The following SFMBT2 variants were observed in gnomAD, a reference collection of about 807,000 sequenced individuals.
The protein encoded by SFMBT2 is scm-like with four MBT domains protein 2.
Under a neutral mutation model 110.1 loss-of-function variants are expected in SFMBT2, and 38 were observed. The ratio of observed to expected loss-of-function variants is 0.35; its 90% CI spans 0.27 to 0.45. The LOEUF is 0.45. SFMBT2 is among the 20% of genes least tolerant of loss of function. The probability of loss-of-function intolerance (pLI) is 1.00; values close to 1 mark genes in which losing one functional copy is unlikely to be tolerated. For missense variants in SFMBT2, 1,011 were observed against 1,094.9 expected (o/e 0.92, Z 1.08); for synonymous variants, 425 against 425.4 (o/e 1.00, Z 0.01).
intron 4 of SFMBT2, among the ~76,000 whole-genome samples, chr10:7,360,617 G>C (rs12412449): frequency 1.2e-4 from 18 of 152,288 alleles, no homozygotes; most frequent in Admixed American, 1.2e-3. Flanking sequence ...TATATGAAGG[G>C]TTTTGATTCA....
chr10:7,273,787 T>C (rs1013523352), intron 7 of SFMBT2, among the ~76,000 whole-genome samples: 2 of 152,206 alleles, frequency 1.3e-5, no homozygotes, highest in Non-Finnish European at 2.9e-5. Flanking sequence ...CCCAATGTGC[T>C]GGAGAGGATG....
At chr10:7,217,818 TAGG>T (rs938291472) in intron 11 of SFMBT2, among the ~76,000 whole-genome samples, 53 of 152,328 alleles carry the variant, frequency 3.5e-4, no homozygotes, top group African/African-American at 1.2e-3. Flanking sequence ...AACACTGACC[TAGG>T]AGAAGGCACT....
At chr10:7,254,412 A>C (rs886314853) in intron 7 of SFMBT2, among the ~76,000 whole-genome samples, 1 of 151,826 alleles carries the variant, frequency 6.6e-6, no homozygotes, top group Admixed American at 6.5e-5. Context: ...ACTTCAAAAC[A>C]AATTTTTTTA....
chr10:7,389,308 A>G (rs772418588), intron 1 of SFMBT2, among the ~76,000 whole-genome samples: 5 of 152,176 alleles, frequency 3.3e-5, no homozygotes, highest in Non-Finnish European at 5.9e-5. Context: ...TAGAAACAGT[A>G]TATTTTTAAA....
intron 17 of SFMBT2, among the ~76,000 whole-genome samples, chr10:7,175,088 G>A (rs980581638): frequency 3.9e-5 from 6 of 152,256 alleles, no homozygotes. Flanking sequence ...AGTGACTGTG[G>A]CTCACAGAGC....
At chr10:7,346,887 G>C (rs2131998814) in intron 4 of SFMBT2, among the ~76,000 whole-genome samples, 1 of 151,928 alleles carries the variant, frequency 6.6e-6, no homozygotes, top group East Asian at 1.9e-4. Context: ...TCAGGAGGCT[G>C]AGTGAGGCAG....
chr10:7,273,294 G>A (rs942781144), intron 7 of SFMBT2, among the ~76,000 whole-genome samples: 1 of 152,170 alleles, frequency 6.6e-6, no homozygotes, highest in South Asian at 2.1e-4. Flanking sequence ...ACAATATTCA[G>A]CTTATTTTGA....
At chr10:7,173,459 A>C (rs1405204376) in intron 17 of SFMBT2, among the ~76,000 whole-genome samples, 1 of 152,198 alleles carries the variant, frequency 6.6e-6, no homozygotes, top group African/African-American at 2.4e-5. Flanking sequence ...GGCCAAATTC[A>C]CCAAGCACTT....
chr10:7,284,557 C>T (rs1431547337), intron 5 of SFMBT2: 6 of 375,598 alleles, frequency 1.6e-5, no homozygotes, highest in Non-Finnish European at 2.3e-5. Flanking sequence ...AATTCTAATA[C>T]AGAGCATTCA....
chr10:7,315,792 C>T (rs1244239572), intron 4 of SFMBT2, among the ~76,000 whole-genome samples: 1 of 152,210 alleles, frequency 6.6e-6, no homozygotes, highest in Non-Finnish European at 1.5e-5. Flanking sequence ...AGTTACTTTT[C>T]CTCTCTGATC....
At chr10:7,216,209 A>G (rs1269568342) in intron 11 of SFMBT2, among the ~76,000 whole-genome samples, 1 of 152,192 alleles carries the variant, frequency 6.6e-6, no homozygotes, top group Non-Finnish European at 1.5e-5. Flanking sequence ...ACCGCAGATC[A>G]TGGTGACTGA....
In SFMBT2 at chr10:7,220,174, C is replaced by CA. The variant is rs533988747; in HGVS notation, c.1330+236dup. Among the ~76,000 whole-genome samples, 11 of 152,200 alleles carry CA rather than the reference C, an allele frequency of 7.2e-5. No homozygotes were observed. In the South Asian group the frequency reaches 2.3e-3, roughly 32 times the overall value. On this transcript the variant is annotated intron_variant, in intron 11 of 20. Coordinates refer to ENST00000397167, the MANE Select transcript of SFMBT2 (RefSeq NM_001387889.1). ...TAGATGTAAAAAGACCACTGTGTTC[C>CA]AAACATAATTATCTTGCCAGCATCT...
At chr10:7,386,927 G>T (rs1170856983) in intron 1 of SFMBT2, among the ~76,000 whole-genome samples, 1 of 152,268 alleles carries the variant, frequency 6.6e-6, no homozygotes, top group East Asian at 1.9e-4. Context: ...TCACAGAGCC[G>T]CTAGTGGTGG....
intron 6 of SFMBT2, among the ~76,000 whole-genome samples, chr10:7,283,047 A>T (rs993212651): frequency 1.1e-4 from 16 of 148,554 alleles, no homozygotes; most frequent in Non-Finnish European, 1.0e-4. Flanking sequence ...CTGTCCCTTA[A>T]AACAGGGGAC....
intron 4 of SFMBT2, among the ~76,000 whole-genome samples, chr10:7,303,511 G>A (rs953220912): frequency 6.6e-6 from 1 of 152,136 alleles, no homozygotes; most frequent in African/African-American, 2.4e-5. Flanking sequence ...GAGAGAGACA[G>A]AGAGACAGAA....
intron 6 of SFMBT2, among the ~76,000 whole-genome samples, chr10:7,279,845 C>A (rs1402253303): frequency 2.6e-5 from 4 of 152,206 alleles, no homozygotes; most frequent in Non-Finnish European, 4.4e-5. Flanking sequence ...TATCCACCTC[C>A]CTCCAAAAAA....
At chr10:7,178,778 A>G (rs1838152892) in intron 16 of SFMBT2, among the ~76,000 whole-genome samples, 1 of 152,236 alleles carries the variant, frequency 6.6e-6, no homozygotes, top group South Asian at 2.1e-4. Context: ...TACAGCCCTT[A>G]TCCAAATATT....
intron 15 of SFMBT2, chr10:7,189,202 C>A (rs763170183): frequency 2.0e-6 from 2 of 985,050 alleles, no homozygotes. Context: ...AGGAGGGTAA[C>A]AAATTGTGTG....
At chr10:7,197,808 T>C (rs1743797310) in intron 14 of SFMBT2, 121 bp from the exon 15 acceptor site, 3 of 1,352,648 alleles carry the variant, frequency 2.2e-6, no homozygotes, top group African/African-American at 1.5e-5. Context: ...GTCCGAGGTC[T>C]TGGCTGATGG....
Sources: allele counts gnomAD v4.1 joint callset (sites outside exome capture counted in the v4.1 genomes callset), GRCh38; gene constraint gnomAD v4.1.1; transcripts MANE v1.5; gene names NCBI Gene and HGNC (gene_info 2026-07-23, HGNC 2026-07-21).